Variants in AKAP19 observed in about 807,000 individuals in gnomAD.
AKAP19 encodes small A-kinase anchoring protein.
the AKAP19 span, among the ~76,000 whole-genome samples, chr2:190,113,305 T>A: frequency 6.6e-6 from 1 of 152,222 alleles, no homozygotes; most frequent in Non-Finnish European, 1.5e-5. Context: ...TCTAATACAA[T>A]GGGCAAGAGT....
At chr2:189,963,750 G>C in the AKAP19 span, among the ~76,000 whole-genome samples, 7 of 151,446 alleles carry the variant, frequency 4.6e-5, no homozygotes, top group Non-Finnish European at 7.4e-5. Flanking sequence ...GGCAGCTATA[G>C]CCTTCTATAA....
the AKAP19 span, among the ~76,000 whole-genome samples, chr2:189,932,057 C>T: frequency 3.1e-4 from 47 of 152,274 alleles, no homozygotes; most frequent in Non-Finnish European, 4.9e-4. Flanking sequence ...AATCCCTCAT[C>T]GTGTTTAGTT....
At chr2:189,903,098 T>C in the AKAP19 span, among the ~76,000 whole-genome samples, 2 of 151,892 alleles carry the variant, frequency 1.3e-5, no homozygotes, top group Admixed American at 1.3e-4. Context: ...ATCGAGAAAT[T>C]ATTTATAAAT....
chr2:189,930,273 T>C, the AKAP19 span: 3 of 459,854 alleles, frequency 6.5e-6, 1 homozygote, highest in Non-Finnish European at 1.0e-5. Context: ...GGCTCAATAG[T>C]CTAGGTTGAA....
At chr2:189,975,768 A>ATCGAATCG in the AKAP19 span, among the ~76,000 whole-genome samples, 1 of 152,010 alleles carries the variant, frequency 6.6e-6, no homozygotes, top group South Asian at 2.1e-4. Context: ...CTTCCAGTTG[A>ATCGAATCG]TCGAATCGGC....
At chr2:189,952,118 T>G in the AKAP19 span, among the ~76,000 whole-genome samples, 3 of 152,248 alleles carry the variant, frequency 2.0e-5, no homozygotes, top group Admixed American at 2.0e-4. Flanking sequence ...TTTATCATTC[T>G]TTGTTTTAAA....
the AKAP19 span, among the ~76,000 whole-genome samples, chr2:190,132,987 A>G: frequency 6.6e-6 from 1 of 152,146 alleles, no homozygotes; most frequent in Non-Finnish European, 1.5e-5. Flanking sequence ...CTGTAATCCC[A>G]GCACTTTGGG....
At chr2:190,196,831 T>C in the AKAP19 span, among the ~76,000 whole-genome samples, 1 of 152,196 alleles carries the variant, frequency 6.6e-6, no homozygotes, top group African/African-American at 2.4e-5. Context: ...GCTGAGTAGT[T>C]GTAACATAGA....
chr2:190,016,293 G>C, the AKAP19 span, among the ~76,000 whole-genome samples: 4 of 152,180 alleles, frequency 2.6e-5, no homozygotes, highest in Non-Finnish European at 5.9e-5. Context: ...GGAGGCCTCA[G>C]GAAACTTACA....
chr2:190,174,326 A>C, the AKAP19 span, among the ~76,000 whole-genome samples: 1 of 152,128 alleles, frequency 6.6e-6, no homozygotes, highest in Non-Finnish European at 1.5e-5. Context: ...CACTGCCATG[A>C]CTTCTTCCTG....
the AKAP19 span, among the ~76,000 whole-genome samples, chr2:190,161,845 T>A: frequency 1.3e-5 from 2 of 152,214 alleles, no homozygotes; most frequent in African/African-American, 4.8e-5. Context: ...TGATATGAGT[T>A]TATTATCTGG....
At chr2:190,145,992 CATTTTT>C in the AKAP19 span, among the ~76,000 whole-genome samples, 4 of 145,502 alleles carry the variant, frequency 2.7e-5, no homozygotes, top group African/African-American at 1.0e-4. Context: ...TTTTTTTTTA[CATTTTT>C]ATTTTTATTT....
chr2:190,111,625 A>C, the AKAP19 span, among the ~76,000 whole-genome samples: 1 of 152,130 alleles, frequency 6.6e-6, no homozygotes, highest in South Asian at 2.1e-4. Context: ...TATGCAGGCA[A>C]TAATAAGCCT....
the AKAP19 span, among the ~76,000 whole-genome samples, chr2:190,161,589 G>T: frequency 2.0e-5 from 3 of 151,960 alleles, no homozygotes; most frequent in Admixed American, 6.5e-5. Flanking sequence ...TTGACCTTTC[G>T]ACAGCCTTTG....
At chr2:189,882,742 T>A in the AKAP19 span, among the ~76,000 whole-genome samples, 6 of 152,032 alleles carry the variant, frequency 3.9e-5, no homozygotes, top group Non-Finnish European at 8.8e-5. Flanking sequence ...CAGAACTGTT[T>A]TAGGGTAAAG....
At chr2:190,033,859 T>A in the AKAP19 span, among the ~76,000 whole-genome samples, 17 of 152,182 alleles carry the variant, frequency 1.1e-4, no homozygotes, top group African/African-American at 4.1e-4. Context: ...GTTTAGAGTA[T>A]CTGCCATTCT....
At chr2:189,972,163 G>A in the AKAP19 span, among the ~76,000 whole-genome samples, 6 of 152,102 alleles carry the variant, frequency 3.9e-5, no homozygotes, top group Non-Finnish European at 8.8e-5. Flanking sequence ...TTTGTATAAG[G>A]TGTAAAGAAG....
the AKAP19 span, among the ~76,000 whole-genome samples, chr2:190,085,703 G>A: frequency 1.3e-5 from 2 of 152,162 alleles, no homozygotes; most frequent in African/African-American, 2.4e-5. Context: ...TTTGAAATTG[G>A]TAATGACCTC....
At chr2:190,195,262 T>A in the AKAP19 span, among the ~76,000 whole-genome samples, 1 of 152,244 alleles carries the variant, frequency 6.6e-6, no homozygotes, top group Non-Finnish European at 1.5e-5. Flanking sequence ...TTTTCAAAGT[T>A]ATGAATAAAG....
Sources: gnomAD v4.1 joint callset for allele counts (sites outside exome capture counted in the v4.1 genomes callset) on GRCh38, gnomAD v4.1.1 for gene constraint, MANE v1.5 for transcripts, NCBI Gene and HGNC (gene_info 2026-07-23, HGNC 2026-07-21) for gene names.